Variants in GRID2 observed in about 807,000 individuals in gnomAD.
The protein encoded by GRID2 is glutamate ionotropic receptor delta type subunit 2.
GRID2 carries 33 observed loss-of-function variants against 114.8 expected under a neutral mutation model. The ratio of observed to expected loss-of-function variants is 0.29; its 90% confidence interval spans 0.22 to 0.38. The LOEUF (loss-of-function observed/expected upper bound fraction) is 0.38. GRID2 is among the 10% of genes least tolerant of loss of function. The pLI, the probability that GRID2 is intolerant of heterozygous loss-of-function variation, is 1.00. For missense variants in GRID2, 1,184 were observed against 1,257.7 expected, an observed-to-expected ratio of 0.94 and a Z score of 0.89; for synonymous variants, 505 against 449.9, an observed-to-expected ratio of 1.12 and a Z score of -1.55.
chr4:93,422,266 ATTAC>A (rs1314981248), intron 9 of GRID2, among the ~76,000 whole-genome samples: 3 of 152,212 alleles, frequency 2.0e-5, no homozygotes, highest in Non-Finnish European at 4.4e-5. Context: ...AAGTCACAAA[ATTAC>A]TTAGTGAATA....
chr4:92,942,975 C>A (rs12509830), intron 2 of GRID2, among the ~76,000 whole-genome samples: 2 of 152,110 alleles, frequency 1.3e-5, no homozygotes, highest in Admixed American at 1.3e-4. Context: ...GTGGGTAACC[C>A]GACCTTTCTC....
chr4:92,625,456 T>C (rs1730472799), intron 2 of GRID2, among the ~76,000 whole-genome samples: 1 of 151,806 alleles, frequency 6.6e-6, no homozygotes, highest in African/African-American at 2.4e-5. Context: ...CTTCAGACTA[T>C]TGCCTCTAAG....
intron 2 of GRID2, among the ~76,000 whole-genome samples, chr4:92,595,585 A>G (rs1025343805): frequency 2.0e-5 from 3 of 152,076 alleles, no homozygotes; most frequent in African/African-American, 7.2e-5. Context: ...TAATAAAATG[A>G]TGATTTCAAT....
chr4:93,616,069 G>C (rs987841947), intron 13 of GRID2, among the ~76,000 whole-genome samples: 2 of 152,094 alleles, frequency 1.3e-5, no homozygotes, highest in African/African-American at 4.8e-5. Context: ...AAAGGAGCTA[G>C]TTATCTCCTT....
intron 2 of GRID2, among the ~76,000 whole-genome samples, chr4:92,732,412 A>G (rs1020142400): frequency 2.6e-5 from 4 of 152,054 alleles, no homozygotes; most frequent in South Asian, 2.1e-4. Context: ...TATGTGCTAG[A>G]GTTAAAATGA....
At chr4:92,556,198 A>G (rs1726841863) in intron 1 of GRID2, among the ~76,000 whole-genome samples, 1 of 152,148 alleles carries the variant, frequency 6.6e-6, no homozygotes, top group Non-Finnish European at 1.5e-5. Context: ...ACAAAAGGCA[A>G]AGGAAAAAGT....
In GRID2 at chr4:93,110,889, G is replaced by A. The variant is rs368143665; in HGVS notation, c.671G>A (p.Arg224Gln). 6.2e-6 allele frequency: 10 copies of A among 1,612,794 alleles called. No individual in the cohort carries two copies. The highest frequency in any genetic ancestry group is 4.5e-5 in the East Asian group (2 of 44,876). The change falls in exon 4 of 16, where the codon CGA becomes CAA. Residue 224 changes from arginine to glutamine, a missense_variant. This residue lies in a region of GRID2 where 455 missense variants were observed against 429.5 expected (regional missense o/e 1.06). Coordinates refer to ENST00000282020, the MANE Select transcript of GRID2 (RefSeq NM_001510.4). Reference sequence around the variant, plus strand: ...AGAATAGAAGAACTGAATCGCTATCGAGACACTCTTAGGCGAGCGATCCTT... The same window carrying A: ...AGAATAGAAGAACTGAATCGCTATCAAGACACTCTTAGGCGAGCGATCCTT... ...TMRIEELNRY[R>Q]DTLRRAILVM...
At chr4:92,645,092 T>C (rs56930727) in intron 2 of GRID2, among the ~76,000 whole-genome samples, 3,854 of 151,710 alleles carry the variant, frequency 0.025, 163 homozygotes, top group African/African-American at 0.086. Flanking sequence ...ATTCAAACAT[T>C]TCATTAGTAT....
At chr4:93,214,143 T>C (rs936291449) in intron 5 of GRID2, among the ~76,000 whole-genome samples, 4 of 152,036 alleles carry the variant, frequency 2.6e-5, no homozygotes, top group African/African-American at 9.7e-5. Context: ...TTTTAAAAGA[T>C]TAAGATATTT....
At chr4:93,148,048 A>G (rs555537100) in intron 4 of GRID2, among the ~76,000 whole-genome samples, 2 of 152,306 alleles carry the variant, frequency 1.3e-5, no homozygotes, top group South Asian at 2.1e-4. Context: ...ACCTGAATGA[A>G]TAAGTGGTTG....
At chr4:93,471,721 C>T (rs1301050952) in intron 11 of GRID2, among the ~76,000 whole-genome samples, 2 of 19,838 alleles carry the variant, frequency 1.0e-4, no homozygotes, top group Non-Finnish European at 2.0e-4. Flanking sequence ...TTTTTGGAGA[C>T]GGAGTTTTTG....
intron 8 of GRID2, among the ~76,000 whole-genome samples, chr4:93,286,183 A>G (rs1283087266): frequency 6.6e-6 from 1 of 152,150 alleles, no homozygotes; most frequent in East Asian, 1.9e-4. Flanking sequence ...AAGCTTATAT[A>G]GATTATAAAA....
intron 8 of GRID2, among the ~76,000 whole-genome samples, chr4:93,305,787 C>T (rs1755355308): frequency 6.6e-6 from 1 of 152,134 alleles, no homozygotes; most frequent in African/African-American, 2.4e-5. Context: ...GCCTTTATTG[C>T]CTCTTGCCTG....
At chr4:92,689,897 C>T (rs1283503048) in intron 2 of GRID2, among the ~76,000 whole-genome samples, 1 of 152,092 alleles carries the variant, frequency 6.6e-6, no homozygotes, top group Non-Finnish European at 1.5e-5. Context: ...TCAGCCTTCA[C>T]GTAATTGAAG....
At chr4:92,851,494 A>G (rs927480113) in intron 2 of GRID2, among the ~76,000 whole-genome samples, 3 of 151,962 alleles carry the variant, frequency 2.0e-5, no homozygotes, top group Admixed American at 2.0e-4. Context: ...AATTTAATAA[A>G]ACATATAATA....
At chr4:93,237,422 CT>C (rs1206568959) in intron 7 of GRID2, among the ~76,000 whole-genome samples, 9 of 151,820 alleles carry the variant, frequency 5.9e-5, no homozygotes, top group Non-Finnish European at 1.5e-5. Flanking sequence ...CATAATATTA[CT>C]ACCAGCCAGA....
chr4:92,452,866 T>C (rs982294258), intron 1 of GRID2, among the ~76,000 whole-genome samples: 1 of 144,484 alleles, frequency 6.9e-6, no homozygotes, highest in African/African-American at 2.7e-5. Context: ...ACCATATATA[T>C]TTTTTTACCA....
At chr4:92,478,080 A>G (rs1722404799) in intron 1 of GRID2, among the ~76,000 whole-genome samples, 1 of 151,838 alleles carries the variant, frequency 6.6e-6, no homozygotes, top group Non-Finnish European at 1.5e-5. Context: ...AATTGACTGT[A>G]TCCCATCCAA....
chr4:93,561,394 T>G (rs897566746), intron 13 of GRID2, among the ~76,000 whole-genome samples: 1 of 152,118 alleles, frequency 6.6e-6, no homozygotes, highest in African/African-American at 2.4e-5. Flanking sequence ...TCAGGGTAGT[T>G]TTAGGTTTAC....
Sources: gnomAD v4.1 joint callset for allele counts (sites outside exome capture counted in the v4.1 genomes callset) on GRCh38, gnomAD v4.1.1 for gene constraint, gnomAD v4.1.1 regional missense constraint, MANE v1.5 for transcripts, NCBI Gene and HGNC (gene_info 2026-07-23, HGNC 2026-07-21) for gene names.